The following NFATC3 variants were observed in gnomAD, a reference collection of about 807,000 sequenced individuals.
NFATC3 encodes the protein nuclear factor of activated T-cells, cytoplasmic 3.
Under a neutral mutation model 98.6 loss-of-function variants are expected in NFATC3, and 46 were observed. The observed-to-expected ratio is 0.47, with a 90% CI of 0.37 to 0.60. The LOEUF is 0.60. NFATC3 is among the 20% of genes least tolerant of loss of function. The pLI, the probability that NFATC3 is intolerant of heterozygous loss-of-function variation, is 0.00. For missense variants in NFATC3, 1,256 were observed against 1,295.5 expected (o/e 0.97, Z 0.47); for synonymous variants, 512 against 472.2 (o/e 1.08, Z -1.09).
chr16:68,124,113 G>A (rs1313282822), intron 2 of NFATC3, among the ~76,000 whole-genome samples: 1 of 152,036 alleles, frequency 6.6e-6, no homozygotes, highest in Non-Finnish European at 1.5e-5. Flanking sequence ...TAGGATTTTT[G>A]TTTTGTTTTT....
intron 6 of NFATC3, among the ~76,000 whole-genome samples, chr16:68,176,065 A>C (rs1598509377): frequency 6.7e-6 from 1 of 148,778 alleles, no homozygotes; most frequent in Non-Finnish European, 1.5e-5. Context: ...TGCAACCTCC[A>C]CCTCCGTGTT....
At chr16:68,124,300 A>T (rs553345046) in intron 2 of NFATC3, among the ~76,000 whole-genome samples, 30 of 152,002 alleles carry the variant, frequency 2.0e-4, no homozygotes, top group African/African-American at 7.0e-4. Flanking sequence ...TTTTTGGTAG[A>T]GATGGGGTCT....
chr16:68,121,314 T>A (rs2036569780), intron 1 of NFATC3, among the ~76,000 whole-genome samples: 1 of 148,474 alleles, frequency 6.7e-6, no homozygotes, highest in Non-Finnish European at 1.5e-5. Flanking sequence ...TGGCGTGATC[T>A]GAGCTCACTG....
At chr16:68,190,689 G>C in intron 8 of NFATC3, 79 bp from the exon 9 acceptor site, 1 of 1,444,728 alleles carries the variant, frequency 6.9e-7, no homozygotes, top group Non-Finnish European at 9.3e-7. Flanking sequence ...CGCTGTAGTT[G>C]TGTAACCTAG....
At chr16:68,161,172 T>C (rs938690687) in intron 4 of NFATC3, among the ~76,000 whole-genome samples, 15 of 152,194 alleles carry the variant, frequency 9.9e-5, no homozygotes, top group African/African-American at 3.6e-4. Context: ...TTCCCTTTTG[T>C]TCTGGGATCT....
intron 6 of NFATC3, among the ~76,000 whole-genome samples, chr16:68,176,637 ATT>A (rs1191259531): frequency 6.6e-6 from 1 of 152,168 alleles, no homozygotes; most frequent in Non-Finnish European, 1.5e-5. Context: ...GTATTTTGAA[ATT>A]TGGGTTTGAA....
intron 9 of NFATC3, among the ~76,000 whole-genome samples, chr16:68,213,171 T>A (rs1245517965): frequency 6.6e-6 from 1 of 151,006 alleles, no homozygotes; most frequent in Non-Finnish European, 1.5e-5. Flanking sequence ...ATCCCAGCAC[T>A]TTGGGAGGCC....
chr16:68,208,944 C>G (rs769245519), intron 9 of NFATC3, among the ~76,000 whole-genome samples: 4 of 152,078 alleles, frequency 2.6e-5, no homozygotes, highest in Non-Finnish European at 4.4e-5. Flanking sequence ...ATAATTTTCT[C>G]TCTTCCTTTT....
intron 2 of NFATC3, among the ~76,000 whole-genome samples, chr16:68,125,825 T>C (rs1175570363): frequency 6.6e-6 from 1 of 152,164 alleles, no homozygotes; most frequent in Non-Finnish European, 1.5e-5. Context: ...TAAGAATTTG[T>C]CTTTTTCAAA....
At chr16:68,214,323 A>T (rs763283124) in intron 9 of NFATC3, 1 of 1,613,412 alleles carries the variant, frequency 6.2e-7, no homozygotes, top group Admixed American at 1.7e-5. Context: ...GTCTTCTTTG[A>T]CACAGACCAA....
chr16:68,144,756 C>T (rs2037946971), intron 3 of NFATC3, among the ~76,000 whole-genome samples: 1 of 152,112 alleles, frequency 6.6e-6, no homozygotes, highest in African/African-American at 2.4e-5. Context: ...CTCCCAGGTT[C>T]AAGAGATTCT....
rs1555522047 is a variant in NFATC3, at chr16:68,192,230, A to AAAAAAAT, written c.3106+456_3106+457insAAAAATA. The AAAAAAAT allele has an allele frequency of 1.6e-3, 130 of 82,576 alleles. 15 individuals carry two copies. The highest frequency in any genetic ancestry group is 3.2e-3 in the Admixed American group (18 of 5,654). 5.1% of individuals were successfully genotyped at this position (82,576 alleles called of 1,614,324 possible). ...CTCGGGAAAAAAAAAAAAAAAAAAA[A>AAAAAAAT]ATATATATATATATATATATATATG... On this transcript the variant is annotated intron_variant, in intron 9 of 9. Transcript: ENST00000346183.
At chr16:68,221,361 C>T in intron 9 of NFATC3, 1 of 1,583,734 alleles carries the variant, frequency 6.3e-7, no homozygotes, top group Non-Finnish European at 8.6e-7. Flanking sequence ...GCATGATTAA[C>T]ACTCGGCTCA....
intron 1 of NFATC3, among the ~76,000 whole-genome samples, chr16:68,088,343 ATATAT>A (rs899927676): frequency 2.3e-4 from 34 of 147,276 alleles, no homozygotes; most frequent in African/African-American, 6.9e-4. Flanking sequence ...AATATATAAC[ATATAT>A]TATATATAAA....
intron 1 of NFATC3, among the ~76,000 whole-genome samples, chr16:68,106,219 A>G (rs2035646895): frequency 6.6e-6 from 1 of 151,908 alleles, no homozygotes; most frequent in Admixed American, 6.6e-5. Flanking sequence ...TATTTTTGCA[A>G]ACACCAGTTG....
At chr16:68,167,810 C>CTTTTTTTTTTTTTTTTTTTTTT (rs35302776) in intron 5 of NFATC3, among the ~76,000 whole-genome samples, 4 of 23,920 alleles carry the variant, frequency 1.7e-4, no homozygotes, top group African/African-American at 3.8e-4. Flanking sequence ...CGTATGTGTT[C>CTTTTTTTTTTTTTTTTTTTTTT]TTTTTTTTTT....
intron 2 of NFATC3, 63 bp downstream of exon 2, chr16:68,123,184 C>T (rs2151503139): frequency 1.3e-6 from 2 of 1,496,450 alleles, no homozygotes; most frequent in East Asian, 4.5e-5. Context: ...TGGCATATAA[C>T]TACATTATCA....
At chr16:68,148,118 C>T (rs1370033374) in intron 3 of NFATC3, among the ~76,000 whole-genome samples, 1 of 152,050 alleles carries the variant, frequency 6.6e-6, no homozygotes, top group East Asian at 1.9e-4. Context: ...TGGGTTCAAG[C>T]GATTCTCCTG....
intron 8 of NFATC3, among the ~76,000 whole-genome samples, chr16:68,187,616 C>T (rs1415648625): frequency 1.3e-5 from 2 of 152,184 alleles, no homozygotes; most frequent in African/African-American, 4.8e-5. Flanking sequence ...CTCCTCTCCA[C>T]AGGCAGGTTG....
Sources: allele counts gnomAD v4.1 joint callset (sites outside exome capture counted in the v4.1 genomes callset), GRCh38; gene constraint gnomAD v4.1.1; transcripts MANE v1.5; gene names NCBI Gene and HGNC (gene_info 2026-07-23, HGNC 2026-07-21).